UGGT2: variants seen among roughly 807,000 people sequenced by gnomAD.
UGGT2 encodes UDP-glucose glycoprotein glucosyltransferase 2, also known as UDP-glucose:glycoprotein glucosyltransferase 2.
A neutral mutation model predicts 192.1 loss-of-function variants in UGGT2; 180 were observed. The observed-to-expected ratio is 0.94, with a 90% confidence interval of 0.83 to 1.06. UGGT2 has a LOEUF of 1.06. Ranked by LOEUF, UGGT2 falls within the 50% of genes least tolerant of loss-of-function variation. UGGT2 has a pLI of 0.00. For missense variants in UGGT2, 1,849 were observed against 1,795.7 expected, an observed-to-expected ratio of 1.03 and a Z score of -0.54; for synonymous variants, 580 against 591.0, an observed-to-expected ratio of 0.98 and a Z score of 0.27.
intron 15 of UGGT2, among the ~76,000 whole-genome samples, chr13:95,942,099 T>C (rs1215172162): frequency 6.6e-6 from 1 of 151,462 alleles, no homozygotes; most frequent in East Asian, 1.9e-4. Flanking sequence ...AAATTCTACT[T>C]ATCTATTTTG....
intron 17 of UGGT2, among the ~76,000 whole-genome samples, chr13:95,930,935 G>A (rs899829772): frequency 3.9e-5 from 6 of 152,192 alleles, no homozygotes; most frequent in African/African-American, 1.4e-4. Flanking sequence ...AGACTGAGCA[G>A]CAGAAAGATT....
chr13:95,962,869 CTGGG>C (rs1428918692), intron 12 of UGGT2, among the ~76,000 whole-genome samples: 2 of 152,000 alleles, frequency 1.3e-5, no homozygotes, highest in Non-Finnish European at 2.9e-5. Context: ...TTCCATATGA[CTGGG>C]GAGGCCTCAC....
In UGGT2 at chr13:95,895,284, T is replaced by C; in HGVS notation, c.2655A>G (p.Glu885=). The change falls in exon 23 of 39, where the codon GAA becomes GAG. Residue 885 remains glutamate, a synonymous_variant. Transcript: ENST00000376747. ...AGTAAAAATCTTCTGCATAAAAATCTTCATCTAAAGGTCCTAAGAACTTAA... is the reference window on the plus strand; with the variant it reads ...AGTAAAAATCTTCTGCATAAAAATCCTCATCTAAAGGTCCTAAGAACTTAA... ...SNGRFLGPLD[E]DFYAEDFYLL... 1 of 1,503,018 alleles carries C rather than the reference T, an allele frequency of 6.7e-7. No individual in the cohort carries two copies. The allele number at this position is 1,503,018 out of a possible 1,614,324, so 93.1% of individuals were successfully genotyped here.
intron 12 of UGGT2, among the ~76,000 whole-genome samples, chr13:95,962,674 T>A (rs1411822939): frequency 6.6e-6 from 1 of 152,130 alleles, no homozygotes; most frequent in Non-Finnish European, 1.5e-5. Flanking sequence ...GAGGAGAGAA[T>A]TCTTCCTAAC....
intron 10 of UGGT2, among the ~76,000 whole-genome samples, chr13:95,977,764 T>A (rs145660579): frequency 6.6e-6 from 1 of 152,148 alleles, no homozygotes; most frequent in Non-Finnish European, 1.5e-5. Flanking sequence ...GCAGCATTAT[T>A]TACAACAGCA....
intron 4 of UGGT2, among the ~76,000 whole-genome samples, chr13:96,017,353 G>GC (rs1322427608): frequency 2.0e-5 from 3 of 152,212 alleles, no homozygotes; most frequent in East Asian, 1.9e-4. Flanking sequence ...ATTCCCAGGG[G>GC]CCCCCCTTAC....
intron 27 of UGGT2, among the ~76,000 whole-genome samples, chr13:95,881,171 A>G (rs1480105309): frequency 6.6e-6 from 1 of 152,206 alleles, no homozygotes; most frequent in Non-Finnish European, 1.5e-5. Flanking sequence ...AGTCTGGGCA[A>G]CAGAGCAAGA....
chr13:95,981,144 C>T (rs1044243787), intron 10 of UGGT2, among the ~76,000 whole-genome samples: 1 of 152,128 alleles, frequency 6.6e-6, no homozygotes, highest in African/African-American at 2.4e-5. Flanking sequence ...CTCTGCAGTA[C>T]CCCCAAGTGA....
At chr13:95,981,032 C>A (rs2051106598) in intron 10 of UGGT2, among the ~76,000 whole-genome samples, 1 of 152,088 alleles carries the variant, frequency 6.6e-6, no homozygotes, top group Non-Finnish European at 1.5e-5. Context: ...TATTTGTGGG[C>A]AGGATGTTTC....
intron 21 of UGGT2, 39 bp from the exon 22 acceptor site, chr13:95,900,977 A>C: frequency 7.2e-7 from 1 of 1,392,316 alleles, no homozygotes. Context: ...TAATATGAGA[A>C]CAGTAAATAT....
At chr13:95,940,856 T>C (rs1345600317) in intron 15 of UGGT2, among the ~76,000 whole-genome samples, 3 of 152,134 alleles carry the variant, frequency 2.0e-5, no homozygotes, top group African/African-American at 7.2e-5. Context: ...GCCTCCCAAA[T>C]AGTTGAGACT....
chr13:95,886,218 G>T (rs944333369), intron 26 of UGGT2, among the ~76,000 whole-genome samples: 3 of 152,116 alleles, frequency 2.0e-5, no homozygotes, highest in African/African-American at 7.2e-5. Context: ...AAGCTGAGGG[G>T]ATTCCTGCCC....
intron 12 of UGGT2, among the ~76,000 whole-genome samples, chr13:95,968,908 C>T (rs2050677044): frequency 6.6e-6 from 1 of 152,080 alleles, no homozygotes; most frequent in South Asian, 2.1e-4. Flanking sequence ...TGGATATTCC[C>T]AAGAAGGGTC....
At chr13:95,868,039 C>G (rs1371174313) in intron 29 of UGGT2, among the ~76,000 whole-genome samples, 2 of 152,084 alleles carry the variant, frequency 1.3e-5, no homozygotes, top group Non-Finnish European at 2.9e-5. Flanking sequence ...TCAAACTATT[C>G]TCACTATGGA....
At chr13:95,933,690 TTTTTG>T (rs1304743653) in intron 17 of UGGT2, among the ~76,000 whole-genome samples, 1 of 152,180 alleles carries the variant, frequency 6.6e-6, no homozygotes. Flanking sequence ...TTGTTTTTGT[TTTTTG>T]TTTTGAGACG....
rs143052108 is a variant in UGGT2, at chr13:95,987,686, T to C, written c.932-1254A>G. Among the ~76,000 whole-genome samples, 451 of 152,276 alleles carry C rather than the reference T, an allele frequency of 3.0e-3. 3 individuals are homozygous for C. Among genetic ancestry groups the C allele is most frequent in the African/African-American group, 0.01 (426 of 41,582 alleles). On this transcript the variant is annotated intron_variant, in intron 8 of 38. Coordinates refer to ENST00000376747, the MANE Select transcript of UGGT2 (RefSeq NM_020121.4). The stretch of plus-strand genomic sequence containing the variant: ...CTAAGGGGTTTAAACTTAATACTTT[T>C]AATGGATGTGCATGAAATCAGTCCT...
intron 1 of UGGT2, among the ~76,000 whole-genome samples, chr13:96,046,831 T>C (rs1441380020): frequency 6.6e-6 from 1 of 152,182 alleles, no homozygotes; most frequent in Non-Finnish European, 1.5e-5. Context: ...ATCCTGCGCA[T>C]GGCTTGAAGA....
At chr13:95,993,272 TACCTGTTG>T in intron 7 of UGGT2, among the ~76,000 whole-genome samples, 1 of 152,164 alleles carries the variant, frequency 6.6e-6, no homozygotes, top group Non-Finnish European at 1.5e-5. Context: ...GCTGAAAAAC[TACCTGTTG>T]GGTACTATGC....
Position 95,925,708 on chromosome 13 carries a change from T to C in UGGT2, c.2267A>G (p.Lys756Arg). The change falls in exon 20 of 39, where the codon AAA becomes AGA. Residue 756 changes from lysine to arginine, a missense_variant. Transcript: ENST00000376747. ...IADFDKPSGR[K>R]LLFNALKHMK... is the part of the protein sequence containing the mutation. ...GTGCTTTAATGCATTAAAAAGAAGT[T>C]TTCTCCCAGAAGGCTTATCAAAATC... The C allele has an allele frequency of 6.3e-7, 1 of 1,577,726 alleles. No individual in the cohort carries two copies. The highest frequency in any genetic ancestry group is 1.2e-5 in the South Asian group (1 of 83,808).
Sources: gnomAD v4.1 joint callset for allele counts (sites outside exome capture counted in the v4.1 genomes callset) on GRCh38, gnomAD v4.1.1 for gene constraint, MANE v1.5 for transcripts, NCBI Gene and HGNC (gene_info 2026-07-23, HGNC 2026-07-21) for gene names.